The following PCDHA7 variants were observed in gnomAD, a reference collection of about 807,000 sequenced individuals.
PCDHA7 encodes protocadherin alpha-7.
In PCDHA7, 37 loss-of-function variants were observed where a neutral mutation model predicts 57.2. The observed-to-expected ratio is 0.65, with a 90% CI of 0.50 to 0.85. PCDHA7 has a LOEUF of 0.85. PCDHA7 is among the 40% of genes least tolerant of loss of function. The pLI, the probability that PCDHA7 is intolerant of heterozygous loss-of-function variation, is 0.00. For missense variants in PCDHA7, 1,188 were observed against 1,241.8 expected (o/e 0.96, Z 0.65); for synonymous variants, 553 against 558.8 (o/e 0.99, Z 0.15).
intron 1 of PCDHA7, chr5:140,842,895 A>C: frequency 6.3e-7 from 1 of 1,594,156 alleles, no homozygotes; most frequent in East Asian, 2.2e-5. Flanking sequence ...CCGCTGGACC[A>C]CGAGGAGCTA....
chr5:141,009,892 G>GTTT lies in PCDHA7; in HGVS notation c.2769_2770insTTT (p.Glu923_Lys924insPhe). 6.2e-7 allele frequency: 1 copy of GTTT among 1,612,140 alleles called. No individual in the cohort carries two copies. Among genetic ancestry groups the GTTT allele is most frequent in the Non-Finnish European group, 8.5e-7 (1 of 1,179,578 alleles). ...AGAAGAAGGGTAACAAGACCCAGGAGAAAAAAGAGAAAGGGAACAGCACGA... is the reference window on the plus strand; with the variant it reads ...AGAAGAAGGGTAACAAGACCCAGGAGTTTAAAAAAGAGAAAGGGAACAGCACGA... On this transcript the variant is annotated inframe_insertion, in exon 4 of 4. Transcript: ENST00000525929.
Position 140,968,192 on chromosome 5 carries a change from A to G in PCDHA7, c.2356-10757A>G, listed in dbSNP as rs555596025. The G allele has an allele frequency of 2.5e-6, 4 of 1,614,038 alleles. No individual in the cohort carries two copies. The Admixed American group carries it at 5.0e-5, about 20-fold the overall frequency. ...AAGCTTCCTGGAGGACTCCTATTCC[A>G]TCTACATACAGGAGAACAATTTGCC... On this transcript the variant is annotated intron_variant, in intron 1 of 3. Coordinates refer to ENST00000525929, the MANE Select transcript of PCDHA7 (RefSeq NM_018910.3).
Position 140,834,986 on chromosome 5 carries a change from C to G in PCDHA7, c.603C>G (p.Asp201Glu), listed in dbSNP as rs2150229667. Residue 201 changes from aspartate (D) to glutamate (E), a missense_variant, in exon 1 of 4, where the codon GAC becomes GAG. Coordinates refer to ENST00000525929, the MANE Select transcript of PCDHA7 (RefSeq NM_018910.3). The part of the protein sequence containing the change: ...PLGLVLRKLL[D>E]REETPELHLL... ...GACTTGTATTACGGAAACTTTTAGA[C>G]AGAGAAGAAACTCCGGAGCTTCATT... The G allele has an allele frequency of 6.9e-7, 1 of 1,457,962 alleles. No individual in the cohort carries two copies. The highest frequency in any genetic ancestry group is 2.1e-5 in the Admixed American group (1 of 46,852). The allele number at this position is 1,457,962 out of a possible 1,614,324, so 90.3% of individuals were successfully genotyped here. A position where few individuals can be genotyped will look rare whatever the true frequency, so the allele number is the denominator to read the frequency against.
At chr5:140,968,965 C>T in intron 1 of PCDHA7, 1 of 1,614,208 alleles carries the variant, frequency 6.2e-7, no homozygotes, top group Non-Finnish European at 8.5e-7. Context: ...AGTGCTACCG[C>T]TACACTGCGT....
intron 1 of PCDHA7, chr5:140,858,035 A>T: frequency 6.3e-7 from 1 of 1,597,220 alleles, no homozygotes; most frequent in East Asian, 2.2e-5. Context: ...GGCCACGGCC[A>T]CTGTGCTTGT....
In PCDHA7 at chr5:141,010,283, C is replaced by T. The variant is rs1554262872; in HGVS notation, c.*346C>T. ...TGCTCCGGGGATCCTGTCTTGATGACACTTGCAGGGCAGGCTGAAAAGTTT... is the reference window on the plus strand; with the variant it reads ...TGCTCCGGGGATCCTGTCTTGATGATACTTGCAGGGCAGGCTGAAAAGTTT... On this transcript the variant is annotated 3_prime_UTR_variant, in exon 4 of 4. Transcript: ENST00000525929. 6.4e-7 allele frequency: 1 copy of T among 1,551,220 alleles called. No individual in the cohort carries two copies. The highest frequency in any genetic ancestry group is 1.4e-5 in the African/African-American group (1 of 73,110).
intron 1 of PCDHA7, chr5:140,927,331 A>T: frequency 6.2e-7 from 1 of 1,614,134 alleles, no homozygotes; most frequent in Non-Finnish European, 8.5e-7. Flanking sequence ...TACTCTCCCG[A>T]ATGCCCAAGA....
chr5:140,919,097 C>T lies in PCDHA7; in HGVS notation c.2356-59852C>T, dbSNP rs531325561. Among the ~76,000 whole-genome samples the T allele has an allele frequency of 5.3e-5, 8 of 152,242 alleles. No homozygotes were observed. The South Asian group carries it at 1.7e-3, about 32-fold the overall frequency. ...TATGACTATTGAATTGTCTATTTCT[C>T]CCTTCATTTCTGCCAGTTTTTGCTT... On this transcript the variant is annotated intron_variant, in intron 1 of 3. Coordinates refer to ENST00000525929, the MANE Select transcript of PCDHA7 (RefSeq NM_018910.3).
At chr5:140,977,936 A>G (rs1444613652) in intron 1 of PCDHA7, among the ~76,000 whole-genome samples, 2 of 152,202 alleles carry the variant, frequency 1.3e-5, no homozygotes, top group African/African-American at 4.8e-5. Context: ...CTATACCTCA[A>G]TATTCAGTGA....
intron 1 of PCDHA7, chr5:140,861,171 A>G (rs2046785081): frequency 6.3e-6 from 1 of 158,188 alleles, no homozygotes; most frequent in Non-Finnish European, 1.4e-5. Flanking sequence ...TCTCAGAGGA[A>G]CTAAGTCTTT....
intron 3 of PCDHA7, among the ~76,000 whole-genome samples, chr5:141,006,294 C>T (rs2098266534): frequency 6.6e-6 from 1 of 152,048 alleles, no homozygotes; most frequent in African/African-American, 2.4e-5. Flanking sequence ...TCACTGCAAG[C>T]TCCACTTCCC....
chr5:140,889,388 A>C (rs1554183883), intron 1 of PCDHA7, among the ~76,000 whole-genome samples: 1 of 152,070 alleles, frequency 6.6e-6, no homozygotes, highest in African/African-American at 2.4e-5. Context: ...AGGACCATTC[A>C]GAGTTTAATT....
At chr5:140,855,737 C>A (rs1168168277) in intron 1 of PCDHA7, 12 of 304,242 alleles carry the variant, frequency 3.9e-5, no homozygotes, top group Non-Finnish European at 6.7e-5. Context: ...TATAAAGAGA[C>A]GTAATGTGAG....
intron 3 of PCDHA7, among the ~76,000 whole-genome samples, chr5:140,995,339 G>A (rs782776966): frequency 1.3e-4 from 20 of 152,026 alleles, no homozygotes; most frequent in Non-Finnish European, 7.4e-5. Context: ...TAGTGTAGAC[G>A]GCATGGATAG....
intron 1 of PCDHA7, chr5:140,861,278 C>T (rs572060208): frequency 5.3e-4 from 99 of 185,718 alleles, no homozygotes; most frequent in African/African-American, 2.3e-3. Flanking sequence ...GCACTGGCTT[C>T]TGCTCCTTGA....
chr5:140,850,076 G>A lies in PCDHA7; in HGVS notation c.2355+13338G>A. Reference sequence around the variant, plus strand: ...CGCTGCAGCCGTTGGACCACGAGGAGCTGGAGCTGCTACAGTTCCAGGTGA... The same window carrying A: ...CGCTGCAGCCGTTGGACCACGAGGAACTGGAGCTGCTACAGTTCCAGGTGA... On this transcript the variant is annotated intron_variant, in intron 1 of 3. Transcript: ENST00000525929. 6 of 1,596,552 alleles carry A rather than the reference G, an allele frequency of 3.8e-6. 1 individual carries two copies. Among genetic ancestry groups the A allele is most frequent in the Non-Finnish European group, 5.1e-6 (6 of 1,167,850 alleles).
chr5:140,982,413 G>A, intron 2 of PCDHA7, 62 bp from the exon 3 acceptor site: 2 of 1,609,608 alleles, frequency 1.2e-6, no homozygotes, highest in Non-Finnish European at 1.7e-6. Flanking sequence ...TTCTGAGGGT[G>A]GAAGAAGAGA....
chr5:141,009,946 A>G lies in PCDHA7; in HGVS notation c.*9A>G, dbSNP rs781855183. On this transcript the variant is annotated 3_prime_UTR_variant, in exon 4 of 4. Transcript: ENST00000525929. ...ACAACAGTGACCAGTGAGGTCCTCA[A>G]ATGGAAACAAGCCACTTAGCCAGTT... 8.8e-6 allele frequency: 14 copies of G among 1,596,354 alleles called. No homozygotes were observed. The highest frequency in any genetic ancestry group is 1.7e-4 in the Middle Eastern group (1 of 5,948).
chr5:140,996,553 A>G lies in PCDHA7; in HGVS notation c.2504-13074A>G, dbSNP rs868960335. 1.1e-4 allele frequency among the ~76,000 whole-genome samples: 16 copies of G among 152,172 alleles called. No individual in the cohort carries two copies. In the South Asian group the frequency reaches 2.7e-3, roughly 26 times the overall value. On this transcript the variant is annotated intron_variant, in intron 3 of 3. Transcript: ENST00000525929. The stretch of plus-strand genomic sequence containing the variant: ...TGTGTTTTGATATTATGCTGTCACT[A>G]TCTTGAAGTTCTTGATAATTTGTTA...
Sources: gnomAD v4.1 joint callset for allele counts (sites outside exome capture counted in the v4.1 genomes callset) on GRCh38, gnomAD v4.1.1 for gene constraint, MANE v1.5 for transcripts, NCBI Gene and HGNC (gene_info 2026-07-23, HGNC 2026-07-21) for gene names.